Variants in KAZN observed in about 807,000 individuals in gnomAD.
KAZN encodes kazrin.
In KAZN, 40 loss-of-function variants were observed where a neutral mutation model predicts 87.4. The observed-to-expected ratio is 0.46, with a 90% CI of 0.36 to 0.60. KAZN has a LOEUF of 0.60. Ranked by LOEUF, KAZN falls within the 20% of genes least tolerant of loss-of-function variation. KAZN has a pLI of 0.00. For missense variants in KAZN, 898 were observed against 1,073.9 expected (o/e 0.84, Z 2.29); for synonymous variants, 466 against 458.3 (o/e 1.02, Z -0.22).
intron 1 of KAZN, among the ~76,000 whole-genome samples, chr1:14,717,795 G>A (rs1309077354): frequency 6.6e-6 from 1 of 152,192 alleles, no homozygotes; most frequent in Non-Finnish European, 1.5e-5. Flanking sequence ...GTTTGTCCTG[G>A]ACCTCACAGC....
chr1:14,277,643 C>A (rs1378596343), intron 2 of KAZN, among the ~76,000 whole-genome samples: 1 of 142,448 alleles, frequency 7.0e-6, no homozygotes, highest in Non-Finnish European at 1.5e-5. Flanking sequence ...AGCCTGGTGA[C>A]AGAGCGAGAC....
intron 5 of KAZN, among the ~76,000 whole-genome samples, chr1:15,058,827 T>C (rs1638529604): frequency 6.6e-6 from 1 of 152,078 alleles, no homozygotes; most frequent in African/African-American, 2.4e-5. Context: ...GAGACCAGCC[T>C]GGCCAGCATA....
At chr1:14,682,279 G>T (rs1640713194) in intron 1 of KAZN, among the ~76,000 whole-genome samples, 2 of 147,104 alleles carry the variant, frequency 1.4e-5, no homozygotes, top group African/African-American at 4.9e-5. Flanking sequence ...TTAAGACATG[G>T]GTCAGAATTT....
chr1:14,596,990 T>G (rs1005533260), upstream of KAZN, among the ~76,000 whole-genome samples: 5 of 152,256 alleles, frequency 3.3e-5, no homozygotes, highest in Admixed American at 3.3e-4. Flanking sequence ...TATGTTTAAC[T>G]GTTCAAGGAA....
At chr1:14,686,085 T>G (rs1640934856) in intron 1 of KAZN, among the ~76,000 whole-genome samples, 1 of 152,292 alleles carries the variant, frequency 6.6e-6, no homozygotes, top group Non-Finnish European at 1.5e-5. Flanking sequence ...GTTTTGTTTT[T>G]TTGAGACAGA....
Position 15,074,254 on chromosome 1 carries a change from C to T in KAZN, c.1222+8501C>T, listed in dbSNP as rs116747613. Among the ~76,000 whole-genome samples, 1,367 of 152,340 alleles carry T rather than the reference C, an allele frequency of 9.0e-3. 16 individuals carry two copies. Among genetic ancestry groups the T allele is most frequent in the Admixed American group, 0.026 (403 of 15,310 alleles). ...TGTTGGAGGGTCCCTCCCTGCCATC[C>T]GCCTCCCTGCCCTTTAGCCCTAAAC... On this transcript the variant is annotated intron_variant, in intron 8 of 14. Transcript: ENST00000376030.
In KAZN at chr1:14,675,278, G is replaced by C. The variant is rs773808103; in HGVS notation, c.226+76055G>C. Among the ~76,000 whole-genome samples the C allele has an allele frequency of 2.0e-4, 30 of 152,350 alleles. 1 individual carries two copies. The highest frequency in any genetic ancestry group is 1.3e-3 in the Admixed American group (20 of 15,310). ...ACTTGAAGTAGGATTGGGTTGAACT[G>C]ACTGTTGAACTGGAAGTCAAGTTCT... On this transcript the variant is annotated intron_variant, in intron 1 of 14. Coordinates refer to ENST00000376030, the MANE Select transcript of KAZN (RefSeq NM_201628.3).
At position 15,056,163 on chromosome 1, in the gene KAZN, G is replaced by T. The variant is rs1638258512; in HGVS notation, c.799G>T (p.Val267Leu). The change falls in exon 5 of 15, where the codon GTG becomes TTG. Residue 267 changes from valine to leucine, a missense_variant. By Grantham distance (32) the Val-to-Leu change is conservative. Around this residue, in one of 3 missense-constraint regions of KAZN, gnomAD observed 521 missense variants for 689.4 expected, o/e 0.76. Coordinates refer to ENST00000376030, the MANE Select transcript of KAZN (RefSeq NM_201628.3). This position sits in a 1 kb window ranked among gnomAD's most constrained non-coding sequence, Gnocchi z 5.4. ...TTCCCTCGCCATGCCGGGCGAGACG[G>T]TGCTCAATGGCAACCAGGAGTGGGT... is the stretch of plus-strand genomic sequence containing the variant. Reference protein sequence around the residue: ...RHSLAMPGETVLNGNQEWVVQ... With the variant: ...RHSLAMPGETLLNGNQEWVVQ... 6.2e-7 allele frequency: 1 copy of T among 1,614,082 alleles called. No homozygotes were observed. Among genetic ancestry groups the T allele is most frequent in the Admixed American group, 1.7e-5 (1 of 60,016 alleles).
intron 1 of KAZN, among the ~76,000 whole-genome samples, chr1:14,129,818 T>A (rs547702649): frequency 1.3e-5 from 2 of 152,152 alleles, no homozygotes; most frequent in African/African-American, 2.4e-5. Context: ...CACGTTCCTA[T>A]CCATTTGTGA....
intron 2 of KAZN, among the ~76,000 whole-genome samples, chr1:14,289,295 A>G (rs1653495893): frequency 6.6e-6 from 1 of 152,132 alleles, no homozygotes; most frequent in East Asian, 1.9e-4. Context: ...AAAATCTCTC[A>G]TTATTATTGT....
intron 1 of KAZN, among the ~76,000 whole-genome samples, chr1:14,013,845 C>G (rs1361796701): frequency 1.3e-5 from 2 of 152,176 alleles, no homozygotes; most frequent in Non-Finnish European, 2.9e-5. Context: ...GACCAGGGAA[C>G]AGATTCCTTG....
At chr1:14,834,629 G>A (rs1647165869) in intron 1 of KAZN, among the ~76,000 whole-genome samples, 1 of 152,112 alleles carries the variant, frequency 6.6e-6, no homozygotes, top group African/African-American at 2.4e-5. Flanking sequence ...CCAAAGTGCT[G>A]GGATTACAGG....
intron 2 of KAZN, among the ~76,000 whole-genome samples, chr1:14,402,131 A>G (rs1663465829): frequency 6.6e-6 from 1 of 152,090 alleles, no homozygotes; most frequent in African/African-American, 2.4e-5. Context: ...AACTAAAAAA[A>G]GCACTCAAAA....
chr1:14,040,445 C>T (rs1269655493), intron 1 of KAZN, among the ~76,000 whole-genome samples: 2 of 152,098 alleles, frequency 1.3e-5, no homozygotes, highest in Non-Finnish European at 2.9e-5. Flanking sequence ...AAAGCCTGAG[C>T]AACTTTCCTA....
At chr1:14,352,474 A>C (rs942876251) in intron 2 of KAZN, among the ~76,000 whole-genome samples, 15 of 152,154 alleles carry the variant, frequency 9.9e-5, no homozygotes, top group African/African-American at 3.6e-4. Context: ...CATACTCTGA[A>C]CCCTATAAAA....
chr1:14,591,189 C>G (rs1201963518), intron 2 of KAZN, among the ~76,000 whole-genome samples: 3 of 151,898 alleles, frequency 2.0e-5, no homozygotes, highest in Non-Finnish European at 4.4e-5. Context: ...CCCATGGACA[C>G]AGCCACCGCA....
chr1:14,061,671 A>G (rs1233920684), intron 1 of KAZN, among the ~76,000 whole-genome samples: 2 of 152,232 alleles, frequency 1.3e-5, no homozygotes, highest in African/African-American at 4.8e-5. Flanking sequence ...CCACAGTGGC[A>G]GGAACTTGCC....
At chr1:13,998,898 A>G (rs760809931) in intron 1 of KAZN, among the ~76,000 whole-genome samples, 59 of 151,182 alleles carry the variant, frequency 3.9e-4, no homozygotes, top group Non-Finnish European at 6.3e-4. Context: ...TCCACCACAA[A>G]TCAACCGAAT....
chr1:14,507,545 C>A (rs897148701), intron 2 of KAZN, among the ~76,000 whole-genome samples: 2 of 152,172 alleles, frequency 1.3e-5, no homozygotes, highest in African/African-American at 4.8e-5. Context: ...AGGGATCACA[C>A]CAGTAACGCA....
Sources: gnomAD v4.1 joint callset for allele counts (sites outside exome capture counted in the v4.1 genomes callset) on GRCh38, gnomAD v4.1.1 for gene constraint, gnomAD v4.1.1 regional missense constraint, Gnocchi (gnomAD v3.1) non-coding constraint, MANE v1.5 for transcripts, NCBI Gene and HGNC (gene_info 2026-07-23, HGNC 2026-07-21) for gene names.